Variants in ARHGAP5 observed in about 807,000 individuals in gnomAD.
ARHGAP5 encodes rho GTPase-activating protein 5.
A neutral mutation model predicts 116.6 loss-of-function variants in ARHGAP5; 23 were observed. The ratio of observed to expected loss-of-function variants is 0.20; its 90% CI spans 0.14 to 0.28. The LOEUF (loss-of-function observed/expected upper bound fraction) is 0.28. Among genes scored for constraint, ARHGAP5 ranks in the 10% least tolerant of loss-of-function variants. The pLI, the probability that ARHGAP5 is intolerant of heterozygous loss-of-function variation, is 1.00. For synonymous variants in ARHGAP5, 574 were observed against 602.0 expected, an observed-to-expected ratio of 0.95 and a Z score of 0.68; for missense variants, 1,405 against 1,774.8, an observed-to-expected ratio of 0.79 and a Z score of 3.74.
At chr14:32,084,061 GA>G (rs1224354915) in intron 1 of ARHGAP5, among the ~76,000 whole-genome samples, 1 of 152,178 alleles carries the variant, frequency 6.6e-6, no homozygotes, top group African/African-American at 2.4e-5. Flanking sequence ...AATTTAGAAT[GA>G]CTTGCACACC....
chr14:32,154,375 C>G (rs914914159), intron 6 of ARHGAP5: 7 of 399,352 alleles, frequency 1.8e-5, no homozygotes, highest in Non-Finnish European at 3.2e-5. Context: ...TGTCGAACTC[C>G]CAACCTCAGG....
At chr14:32,102,379 C>T (rs1878831978) in intron 2 of ARHGAP5, among the ~76,000 whole-genome samples, 1 of 152,150 alleles carries the variant, frequency 6.6e-6, no homozygotes, top group Non-Finnish European at 1.5e-5. Context: ...GAATTTAGGT[C>T]TGACCAGCCT....
intron 2 of ARHGAP5, among the ~76,000 whole-genome samples, chr14:32,104,690 A>G (rs1878932394): frequency 6.6e-6 from 1 of 152,190 alleles, no homozygotes; most frequent in Non-Finnish European, 1.5e-5. Context: ...TCTATGTTAT[A>G]ACCTTTCTGA....
At chr14:32,117,576 T>C (rs1879664535) in intron 3 of ARHGAP5, among the ~76,000 whole-genome samples, 1 of 152,212 alleles carries the variant, frequency 6.6e-6, no homozygotes, top group African/African-American at 2.4e-5. Context: ...TTATGCTATT[T>C]AGTGAAGAGA....
intron 3 of ARHGAP5, among the ~76,000 whole-genome samples, chr14:32,128,509 G>A (rs932797974): frequency 6.6e-6 from 1 of 152,224 alleles, no homozygotes; most frequent in Non-Finnish European, 1.5e-5. Flanking sequence ...TCCAAGGATG[G>A]CTCTGCTATC....
rs1444607080 is a variant in ARHGAP5, at chr14:32,158,912, C to T, written c.*3964C>T. 1 of 152,034 alleles carries T rather than the reference C, an allele frequency of 6.6e-6. No individual in the cohort carries two copies. The highest frequency in any genetic ancestry group is 1.5e-5 in the Non-Finnish European group (1 of 67,918). The allele number at this position is 152,034 out of a possible 1,614,324, so 9.4% of individuals were successfully genotyped here. On this transcript the variant is annotated 3_prime_UTR_variant, in exon 7 of 7. Coordinates refer to ENST00000345122, the MANE Select transcript of ARHGAP5 (RefSeq NM_001030055.2). ...AAGCAGTTAAAATCTAATTAATTAA[C>T]TTTGGGAGTCTTCACTATTCAATTG...
chr14:32,121,143 A>G (rs1218534510), intron 3 of ARHGAP5, among the ~76,000 whole-genome samples: 2 of 149,040 alleles, frequency 1.3e-5, no homozygotes, highest in Non-Finnish European at 3.0e-5. Flanking sequence ...TCAGCCTCCC[A>G]AATAGCTGGG....
chr14:32,123,662 A>G (rs1880002470), intron 3 of ARHGAP5, among the ~76,000 whole-genome samples: 1 of 152,036 alleles, frequency 6.6e-6, no homozygotes, highest in African/African-American at 2.4e-5. Flanking sequence ...GGATGATGTT[A>G]TTAGTGTTTC....
chr14:32,145,945 G>T (rs1881357272), intron 3 of ARHGAP5, among the ~76,000 whole-genome samples: 1 of 152,004 alleles, frequency 6.6e-6, no homozygotes, highest in Admixed American at 6.5e-5. Context: ...TTTTTGTTTG[G>T]TTGGTTGGGG....
intron 3 of ARHGAP5, among the ~76,000 whole-genome samples, chr14:32,130,704 TG>T (rs1880441773): frequency 6.6e-6 from 1 of 152,064 alleles, no homozygotes; most frequent in South Asian, 2.1e-4. Flanking sequence ...CGCTGATTTT[TG>T]CATTTTTAGT....
chr14:32,146,810 G>T (rs1442071655), intron 4 of ARHGAP5, among the ~76,000 whole-genome samples: 2 of 152,172 alleles, frequency 1.3e-5, no homozygotes, highest in East Asian at 3.8e-4. Context: ...AGTCCATCAG[G>T]CCTGGAAGGA....
rs1248387475 is a variant in ARHGAP5 at position 32,077,443 on chromosome 14, CTTGCGGACCCCGCTCCTCCAAGCCT to C, written c.-169+9_-169+33del. Reference sequence around the variant, plus strand: ...GGAGACCGACGTTGTTAGGTAGGACCTTGCGGACCCCGCTCCTCCAAGCCTGCCTGCCCCCTCCCGGACGGGGACC... The same window carrying C: ...GGAGACCGACGTTGTTAGGTAGGACCGCCTGCCCCCTCCCGGACGGGGACC... On this transcript the variant is annotated intron_variant, in intron 1 of 6. Coordinates refer to ENST00000345122, the MANE Select transcript of ARHGAP5 (RefSeq NM_001030055.2). 2 of 701,360 alleles carry C rather than the reference CTTGCGGACCCCGCTCCTCCAAGCCT, an allele frequency of 2.9e-6. No individual in the cohort carries two copies. Among genetic ancestry groups the C allele is most frequent in the South Asian group, 3.0e-5 (2 of 67,214 alleles). 43.4% of individuals were successfully genotyped at this position (701,360 alleles called of 1,614,324 possible). A position where few individuals can be genotyped will look rare whatever the true frequency, so the allele number is the denominator to read the frequency against.
chr14:32,146,155 C>T, intron 3 of ARHGAP5, 108 bp from the exon 4 acceptor site: 2 of 737,498 alleles, frequency 2.7e-6, no homozygotes, highest in Non-Finnish European at 4.5e-6. Flanking sequence ...AAGCAGTTCT[C>T]CCACCTTGGC....
At position 32,158,484 on chromosome 14, in the gene ARHGAP5, T is replaced by A. The variant is rs1320095293; in HGVS notation, c.*3536T>A. The A allele has an allele frequency of 6.6e-6, 1 of 152,024 alleles. No homozygotes were observed. Among genetic ancestry groups the A allele is most frequent in the Non-Finnish European group, 1.5e-5 (1 of 67,866 alleles). 9.4% of individuals were successfully genotyped at this position (152,024 alleles called of 1,614,324 possible). A position where few individuals can be genotyped will look rare whatever the true frequency, so the allele number is the denominator to read the frequency against. The stretch of plus-strand genomic sequence containing the variant: ...TCTAGTTATAGCAGAGCTGCTAATA[T>A]TAACGAATATATTTGTGTCTTCATG... On this transcript the variant is annotated 3_prime_UTR_variant, in exon 7 of 7. Coordinates refer to ENST00000345122, the MANE Select transcript of ARHGAP5 (RefSeq NM_001030055.2).
intron 2 of ARHGAP5, among the ~76,000 whole-genome samples, chr14:32,110,965 G>A (rs997473354): frequency 2.0e-5 from 3 of 152,132 alleles, no homozygotes; most frequent in Non-Finnish European, 4.4e-5. Context: ...AAGCATGAGA[G>A]GTTTTTCTTA....
intron 2 of ARHGAP5, among the ~76,000 whole-genome samples, chr14:32,096,890 A>G (rs181205051): frequency 9.9e-5 from 15 of 152,204 alleles, no homozygotes; most frequent in Non-Finnish European, 2.2e-4. Flanking sequence ...ATACGTGCCA[A>G]AGTCTTAAAT....
chr14:32,095,084 C>A (rs1441360523), intron 2 of ARHGAP5, among the ~76,000 whole-genome samples: 1 of 152,196 alleles, frequency 6.6e-6, no homozygotes, highest in Admixed American at 6.5e-5. Context: ...CACTTAATTG[C>A]ACACAAACTT....
At chr14:32,146,006 A>T (rs1226989818) in intron 3 of ARHGAP5, among the ~76,000 whole-genome samples, 1 of 151,780 alleles carries the variant, frequency 6.6e-6, no homozygotes, top group Non-Finnish European at 1.5e-5. Flanking sequence ...TCCCAGGCTC[A>T]GGTGGGGAGC....
At chr14:32,132,510 G>A (rs988065283) in intron 3 of ARHGAP5, among the ~76,000 whole-genome samples, 1 of 152,130 alleles carries the variant, frequency 6.6e-6, no homozygotes, top group African/African-American at 2.4e-5. Flanking sequence ...AGTAGGTTGT[G>A]AAAATTTTCT....
Sources: allele counts gnomAD v4.1 joint callset (sites outside exome capture counted in the v4.1 genomes callset), GRCh38; gene constraint gnomAD v4.1.1; transcripts MANE v1.5; gene names NCBI Gene and HGNC (gene_info 2026-07-23, HGNC 2026-07-21).